The following VPS36 variants were observed in gnomAD, a reference collection of about 807,000 sequenced individuals.
The protein encoded by VPS36 is vacuolar protein sorting 36 homolog, also known as vacuolar protein-sorting-associated protein 36.
Under a neutral mutation model 63.5 loss-of-function variants are expected in VPS36, and 31 were observed. The ratio of observed to expected loss-of-function variants is 0.49; its 90% CI spans 0.37 to 0.66. VPS36 has a LOEUF of 0.66. Ranked by LOEUF, VPS36 falls within the 30% of genes least tolerant of loss-of-function variation. VPS36 has a pLI of 0.00. For synonymous variants in VPS36, 138 were observed against 157.2 expected (o/e 0.88, Z 0.91); for missense variants, 338 against 463.7 (o/e 0.73, Z 2.49).
chr13:52,428,333 A>ATCCATAT (rs1383954131), intron 6 of VPS36, among the ~76,000 whole-genome samples: 1 of 152,212 alleles, frequency 6.6e-6, no homozygotes, highest in Non-Finnish European at 1.5e-5. Context: ...TAACTGAAAT[A>ATCCATAT]TCAGTCCATA....
chr13:52,429,440 GA>G (rs1958134245), intron 6 of VPS36: 1 of 244,612 alleles, frequency 4.1e-6, no homozygotes, highest in South Asian at 1.5e-4. Flanking sequence ...GACCTCAACA[GA>G]AGTTAGGGAT....
At chr13:52,439,534 C>T (rs1958252931) in intron 2 of VPS36, among the ~76,000 whole-genome samples, 2 of 152,058 alleles carry the variant, frequency 1.3e-5, no homozygotes, top group South Asian at 4.1e-4. Context: ...CAAGCTCTGC[C>T]TCCTGGGTTA....
At chr13:52,450,161 CGCCCGCAGACGGCG>C in intron 1 of VPS36, 1 of 1,008,202 alleles carries the variant, frequency 9.9e-7, no homozygotes, top group Non-Finnish European at 1.2e-6. Context: ...CGCCGCCCGG[CGCCCGCAGACGGCG>C]AGCGCTCCTT....
At chr13:52,418,120 T>TA (rs1294348709) in intron 10 of VPS36, 64 bp from the exon 11 acceptor site, 2 of 1,368,382 alleles carry the variant, frequency 1.5e-6, no homozygotes, top group African/African-American at 1.5e-5. Context: ...CAGAAGAGTA[T>TA]ATTTTAAAAT....
In VPS36 at chr13:52,450,574, G is replaced by A. The variant is rs1215558418; in HGVS notation, c.21C>T (p.Thr7=). Residue 7 remains threonine, a synonymous_variant, in exon 1 of 14, where the codon ACC becomes ACT. Transcript: ENST00000378060. MDRFVW[T]SGLLEINETL... is the part of the protein sequence containing the mutation. ...TCTCGTTGATCTCCAGGAGGCCGCTGGTCCAAACGAAGCGGTCCATGGCCG... is the reference window on the plus strand; with the variant it reads ...TCTCGTTGATCTCCAGGAGGCCGCTAGTCCAAACGAAGCGGTCCATGGCCG... The A allele has an allele frequency of 6.3e-7, 1 of 1,590,804 alleles. No homozygotes were observed. Among genetic ancestry groups the A allele is most frequent in the South Asian group, 1.1e-5 (1 of 88,586 alleles).
At position 52,413,539 on chromosome 13, in the gene VPS36, C is replaced by T. The variant is rs756735328; in HGVS notation, c.*2291G>A. ...TTTTAAATTTTGCAATAATTTTACT[C>T]TATATACATTGATACCAATCATTTA... On this transcript the variant is annotated 3_prime_UTR_variant, in exon 14 of 14. Transcript: ENST00000378060. 3 of 152,134 alleles carry T rather than the reference C, an allele frequency of 2.0e-5. No individual in the cohort carries two copies. Among genetic ancestry groups the T allele is most frequent in the Non-Finnish European group, 4.4e-5 (3 of 68,008 alleles). The allele number at this position is 152,134 out of a possible 1,614,324, so 9.4% of individuals were successfully genotyped here.
Position 52,426,022 on chromosome 13 carries a change from G to C in VPS36, c.684C>G (p.Asn228Lys). Reference protein sequence around the residue: ...KSYLLSMGIANPVTRETYGSG... With the variant: ...KSYLLSMGIAKPVTRETYGSG... ...AGCCGTAGGTTTCTCTGGTAACTGG[G>C]TTAGCTATTCCCATGCTCAGCAAGT... The change falls in exon 9 of 14, where the codon AAC becomes AAG. Residue 228 changes from asparagine (N) to lysine (K), a missense_variant. Transcript: ENST00000378060. The C allele has an allele frequency of 1.2e-6, 2 of 1,614,118 alleles. No individual in the cohort carries two copies. The highest frequency in any genetic ancestry group is 1.7e-6 in the Non-Finnish European group (2 of 1,180,002).
intron 4 of VPS36, among the ~76,000 whole-genome samples, chr13:52,435,512 C>T (rs905763467): frequency 2.6e-5 from 4 of 152,032 alleles, no homozygotes; most frequent in Admixed American, 6.6e-5. Context: ...GGATTGTTTT[C>T]GATCTATAAT....
chr13:52,433,844 G>C lies in VPS36; in HGVS notation c.442-96C>G, dbSNP rs191879601. ...ACATTGTGTTTTCAATGGCGGGAAAGGACCTACAAAGAACCAAAGAAAAAC... is the reference window on the plus strand; with the variant it reads ...ACATTGTGTTTTCAATGGCGGGAAACGACCTACAAAGAACCAAAGAAAAAC... On this transcript the variant is annotated intron_variant, in intron 5 of 13. Transcript: ENST00000378060. The C allele has an allele frequency of 9.3e-6, 10 of 1,078,204 alleles. No homozygotes were observed. In the Admixed American group the frequency reaches 2.4e-4, roughly 26 times the overall value. The allele number at this position is 1,078,204 out of a possible 1,614,324, so 66.8% of individuals were successfully genotyped here.
chr13:52,416,999 TA>T, intron 12 of VPS36, 57 bp downstream of exon 12: 1 of 1,441,740 alleles, frequency 6.9e-7, no homozygotes, highest in Non-Finnish European at 9.5e-7. Flanking sequence ...TTTGAGTTGC[TA>T]AGCCTTCGGG....
intron 1 of VPS36, among the ~76,000 whole-genome samples, chr13:52,444,921 G>C (rs1958322899): frequency 6.6e-6 from 1 of 152,060 alleles, no homozygotes; most frequent in Admixed American, 6.5e-5. Flanking sequence ...AGCACACATA[G>C]GAACATATGT....
intron 10 of VPS36, among the ~76,000 whole-genome samples, chr13:52,420,011 G>T (rs550089419): frequency 1.9e-4 from 29 of 152,120 alleles, no homozygotes; most frequent in East Asian, 3.9e-4. Flanking sequence ...GAGGCCAAGG[G>T]GGGTGGATCA....
chr13:52,426,198 A>AACTAT (rs1238501352), intron 8 of VPS36, 132 bp from the exon 9 acceptor site: 2 of 1,159,760 alleles, frequency 1.7e-6, no homozygotes, highest in Non-Finnish European at 2.4e-6. Context: ...CTATGCTGTG[A>AACTAT]ACTATAAGGG....
chr13:52,416,161 T>C, intron 12 of VPS36, 68 bp from the exon 13 acceptor site: 1 of 1,487,718 alleles, frequency 6.7e-7, no homozygotes, highest in Non-Finnish European at 9.3e-7. Context: ...ACACTCTGGG[T>C]TCTAATGGTA....
At chr13:52,434,187 A>G in intron 5 of VPS36, among the ~76,000 whole-genome samples, 1 of 152,166 alleles carries the variant, frequency 6.6e-6, no homozygotes, top group East Asian at 1.9e-4. Context: ...CCTGGAAAAC[A>G]TTACCCAGCT....
intron 6 of VPS36, among the ~76,000 whole-genome samples, chr13:52,427,580 C>A (rs1013415892): frequency 6.6e-6 from 1 of 151,146 alleles, no homozygotes; most frequent in Non-Finnish European, 1.5e-5. Context: ...GCGCTCCAGC[C>A]TGGGCGACAA....
At chr13:52,429,739 A>G (rs904284753) in intron 6 of VPS36, among the ~76,000 whole-genome samples, 26 of 152,214 alleles carry the variant, frequency 1.7e-4, no homozygotes, top group African/African-American at 6.0e-4. Flanking sequence ...AAAATAACTT[A>G]CTTTATAAAT....
intron 10 of VPS36, among the ~76,000 whole-genome samples, chr13:52,421,245 T>C (rs2137775367): frequency 6.6e-6 from 1 of 152,300 alleles, no homozygotes; most frequent in South Asian, 2.1e-4. Context: ...GAGGATATTA[T>C]GTTAAGTGAA....
In VPS36 at chr13:52,434,885, G is replaced by A; in HGVS notation, c.352-3C>T. On this transcript the variant is annotated splice_region_variant and splice_polypyrimidine_tract_variant and intron_variant, in intron 4 of 13. Transcript: ENST00000378060. ...TCCTCTGATAAACGCCTGTAAAACT[G>A]ATACGCAAATAAATACACTTTAAAT... The A allele has an allele frequency of 6.2e-7, 1 of 1,611,548 alleles. No individual in the cohort carries two copies. Among genetic ancestry groups the A allele is most frequent in the African/African-American group, 1.3e-5 (1 of 74,812 alleles).
Sources: allele counts gnomAD v4.1 joint callset (sites outside exome capture counted in the v4.1 genomes callset), GRCh38; gene constraint gnomAD v4.1.1; transcripts MANE v1.5; gene names NCBI Gene and HGNC (gene_info 2026-07-23, HGNC 2026-07-21).